The following DMD variants were observed in gnomAD, a reference collection of about 807,000 sequenced individuals.
The protein encoded by DMD is dystrophin.
In DMD, 63 loss-of-function variants were observed where a neutral mutation model predicts 330.1. The ratio of observed to expected loss-of-function variants is 0.19; its 90% CI spans 0.16 to 0.24. DMD has a LOEUF of 0.24. Among genes scored for constraint, DMD ranks in the 10% least tolerant of loss-of-function variants. DMD has a pLI of 1.00. For missense variants in DMD, 3,344 were observed against 2,684.1 expected, an observed-to-expected ratio of 1.25 and a Z score of -5.43; for synonymous variants, 1,223 against 959.8, an observed-to-expected ratio of 1.27 and a Z score of -5.07.
rs192713983 is a variant in DMD, at chrX:32,684,577, A to T, written c.960+13293T>A. On this transcript the variant is annotated intron_variant, in intron 9 of 78. Transcript: ENST00000357033. ...GACAGCATCAATTTATTCTGTCATAAGCCCTCTTACAACTTTTGATGTTTC... is the reference window on the plus strand; with the variant it reads ...GACAGCATCAATTTATTCTGTCATATGCCCTCTTACAACTTTTGATGTTTC... Among the ~76,000 whole-genome samples the T allele has an allele frequency of 3.4e-4, 38 of 111,774 alleles. 1 individual carries two copies. The highest frequency in any genetic ancestry group is 2.5e-3 in the Admixed American group (26 of 10,450).
At chrX:32,089,555 C>T (rs1438442652) in intron 44 of DMD, among the ~76,000 whole-genome samples, 3 of 111,416 alleles carry the variant, frequency 2.7e-5, no homozygotes, top group African/African-American at 9.8e-5. Flanking sequence ...TTTCTGTTTC[C>T]ATATAAGTTT....
chrX:33,221,939 C>T lies in DMD; in HGVS notation c.7+117320G>A, dbSNP rs979443341. ...ATAACTCATAATTTAAAAACTTCTA[C>T]AAAAGCAAACTTCTATAACTGCATT... On this transcript the variant is annotated intron_variant, in intron 1 of 17. Coordinates refer to the DMD transcript ENST00000288447. Among the ~76,000 whole-genome samples, 3 of 110,227 alleles carry T rather than the reference C, an allele frequency of 2.7e-5. No homozygotes were observed. In the Admixed American group the frequency reaches 2.9e-4, roughly 11 times the overall value.
intron 44 of DMD, among the ~76,000 whole-genome samples, chrX:32,071,383 G>T (rs989800291): frequency 1.8e-5 from 2 of 108,596 alleles, no homozygotes; most frequent in Non-Finnish European, 3.8e-5. Flanking sequence ...GTACCTCGTG[G>T]TTTTCTCAGC....
At chrX:32,285,611 T>C (rs1337287480) in intron 43 of DMD, among the ~76,000 whole-genome samples, 3 of 110,975 alleles carry the variant, frequency 2.7e-5, no homozygotes. Flanking sequence ...ATACACAGAG[T>C]GGCTGAGTTT....
At chrX:31,871,137 C>A (rs1468914667) in intron 48 of DMD, among the ~76,000 whole-genome samples, 1 of 111,176 alleles carries the variant, frequency 9.0e-6, no homozygotes, top group African/African-American at 3.3e-5. Context: ...AATCAAAATT[C>A]AAAGGCATGC....
rs745983623 is a variant in DMD at position 31,672,165 on chromosome X, T to A, written c.7872+7210A>T. On this transcript the variant is annotated intron_variant, in intron 53 of 78. Coordinates refer to ENST00000357033, the MANE Select transcript of DMD (RefSeq NM_004006.3). Reference sequence around the variant, plus strand: ...TATTTCTTCTTTGTCCCATTGGCTATTTAAGAGTGTGTTGTATAATTTTCT... The same window carrying A: ...TATTTCTTCTTTGTCCCATTGGCTAATTAAGAGTGTGTTGTATAATTTTCT... Among the ~76,000 whole-genome samples the A allele has an allele frequency of 2.5e-3, 277 of 112,416 alleles. 1 individual carries two copies. The highest frequency in any genetic ancestry group is 4.6e-3 in the Non-Finnish European group (245 of 53,213).
chrX:31,775,778 T>C (rs2090618264), intron 50 of DMD, among the ~76,000 whole-genome samples: 1 of 111,485 alleles, frequency 9.0e-6, no homozygotes, highest in African/African-American at 3.3e-5. Context: ...TGTCTCCTCA[T>C]TAGAGAAGAA....
intron 39 of DMD, among the ~76,000 whole-genome samples, chrX:32,345,231 T>C (rs1213925907): frequency 9.0e-6 from 1 of 111,169 alleles, no homozygotes; most frequent in Non-Finnish European, 1.9e-5. Context: ...AAAAAAAAGT[T>C]TCACAAAACT....
At chrX:31,406,819 G>A (rs2148869837) in intron 60 of DMD, among the ~76,000 whole-genome samples, 1 of 111,317 alleles carries the variant, frequency 9.0e-6, no homozygotes, top group East Asian at 2.8e-4. Context: ...CAGTTTAGTT[G>A]GCATGTAGTT....
At chrX:31,487,846 T>C (rs1451546124) in intron 57 of DMD, among the ~76,000 whole-genome samples, 2 of 111,879 alleles carry the variant, frequency 1.8e-5, no homozygotes, top group African/African-American at 3.3e-5. Flanking sequence ...TTGAATAAAT[T>C]TGATGTAAAA....
At chrX:31,932,004 A>G (rs1457569662) in intron 46 of DMD, 76 bp downstream of exon 46, 1 of 1,108,930 alleles carries the variant, frequency 9.0e-7, no homozygotes, top group African/African-American at 1.8e-5. Flanking sequence ...CAGAAAACCA[A>G]TGATTGAATT....
chrX:32,090,332 G>A (rs1364679395), intron 44 of DMD, among the ~76,000 whole-genome samples: 2 of 111,925 alleles, frequency 1.8e-5, no homozygotes. Context: ...TAAGGAAAAT[G>A]TGTGAAAGAC....
At chrX:31,670,272 G>A (rs889484405) in intron 53 of DMD, among the ~76,000 whole-genome samples, 8 of 111,492 alleles carry the variant, frequency 7.2e-5, no homozygotes, top group Non-Finnish European at 1.5e-4. Flanking sequence ...TTCTAATCTG[G>A]ATGTCTTTTA....
intron 11 of DMD, among the ~76,000 whole-genome samples, chrX:32,620,390 C>G (rs918265192): frequency 2.7e-5 from 3 of 111,874 alleles, no homozygotes; most frequent in East Asian, 2.8e-4. Context: ...GTTATCAGAG[C>G]TTTCTTCCAA....
intron 59 of DMD, among the ~76,000 whole-genome samples, chrX:31,445,771 G>A (rs976898880): frequency 9.0e-6 from 1 of 111,465 alleles, no homozygotes; most frequent in Non-Finnish European, 1.9e-5. Flanking sequence ...CCGTTGAGCA[G>A]AAGAACCCTA....
At position 31,984,072 on chromosome X, in the gene DMD, A is replaced by C. The variant is rs186078255; in HGVS notation, c.6439-15558T>G. ...AAAATCGGCAAGTTGTACACTTTTA[A>C]ATTATTGTGAAAATAATTAACCAAA... On this transcript the variant is annotated intron_variant, in intron 44 of 78. Coordinates refer to ENST00000357033, the MANE Select transcript of DMD (RefSeq NM_004006.3). Among the ~76,000 whole-genome samples, 84 of 112,245 alleles carry C rather than the reference A, an allele frequency of 7.5e-4. 1 individual carries two copies. Among genetic ancestry groups the C allele is most frequent in the African/African-American group, 2.4e-3 (73 of 30,986 alleles).
Position 32,380,600 on chromosome X carries a change from T to C in DMD, c.4755A>G (p.Glu1585=). 1 of 1,210,025 alleles carries C rather than the reference T, an allele frequency of 8.3e-7. No individual in the cohort carries two copies. Among genetic ancestry groups the C allele is most frequent in the African/African-American group, 1.7e-5 (1 of 57,751 alleles). ...KMRKEMNVLT[E]WLAATDMELT... is the part of the protein sequence containing the mutation. ...ATTCCATATCTGTAGCTGCCAGCCATTCTGTCAAGACATTCATTTCCTTTC... is the reference window on the plus strand; with the variant it reads ...ATTCCATATCTGTAGCTGCCAGCCACTCTGTCAAGACATTCATTTCCTTTC... Residue 1585 remains glutamate, a synonymous_variant, in exon 34 of 79, where the codon GAA becomes GAG. Coordinates refer to ENST00000357033, the MANE Select transcript of DMD (RefSeq NM_004006.3).
chrX:32,885,827 G>GAA (rs35272541), intron 2 of DMD, among the ~76,000 whole-genome samples: 26,742 of 64,689 alleles, frequency 0.41, 4,691 homozygotes, highest in East Asian at 0.5. Context: ...CCTTGAGGGG[G>GAA]AAAAAAAAAA....
At chrX:31,637,176 C>T (rs1181667762) in intron 54 of DMD, among the ~76,000 whole-genome samples, 1 of 111,749 alleles carries the variant, frequency 8.9e-6, no homozygotes, top group Non-Finnish European at 1.9e-5. Context: ...AAAAGAATTG[C>T]CCTTCTAATT....
Sources: gnomAD v4.1 joint callset for allele counts (sites outside exome capture counted in the v4.1 genomes callset) on GRCh38, gnomAD v4.1.1 for gene constraint, MANE v1.5 for transcripts, NCBI Gene and HGNC (gene_info 2026-07-23, HGNC 2026-07-21) for gene names.